Variants in PTN observed in about 807,000 individuals in gnomAD.
PTN encodes the protein heparin affin regulatory protein.
A neutral mutation model predicts 24.1 loss-of-function variants in PTN; 18 were observed. The ratio of observed to expected loss-of-function variants is 0.75; its 90% CI spans 0.52 to 1.11. The LOEUF (loss-of-function observed/expected upper bound fraction) is 1.11, where lower values mean the gene tolerates loss of function less well. Among genes scored for constraint, PTN ranks in the 50% least tolerant of loss-of-function variants. The pLI is 0.00. For missense variants in PTN, 163 were observed against 198.8 expected (o/e 0.82, Z 1.08); for synonymous variants, 78 against 68.6 (o/e 1.14, Z -0.67).
chr7:137,286,864 G>A (rs1809563719), intron 1 of PTN, among the ~76,000 whole-genome samples: 2 of 152,148 alleles, frequency 1.3e-5, no homozygotes, highest in South Asian at 2.1e-4. Context: ...GCCCCCAACT[G>A]CTATGATTCT....
intron 3 of PTN, among the ~76,000 whole-genome samples, chr7:137,252,365 C>G (rs746391641): frequency 1.3e-4 from 19 of 151,850 alleles, no homozygotes; most frequent in Non-Finnish European, 2.4e-4. Flanking sequence ...GTTTTTTCCC[C>G]ACTTTCTTAT....
intron 1 of PTN, among the ~76,000 whole-genome samples, chr7:137,272,441 C>T (rs1186170859): frequency 1.3e-5 from 2 of 152,218 alleles, no homozygotes; most frequent in South Asian, 2.1e-4. Flanking sequence ...TCAAGGCTTT[C>T]GCCCTCAACA....
intron 1 of PTN, among the ~76,000 whole-genome samples, chr7:137,308,424 T>C (rs541138218): frequency 5.4e-4 from 82 of 152,298 alleles, no homozygotes; most frequent in Middle Eastern, 3.4e-3. Context: ...TACATACATA[T>C]ATACAAACTA....
chr7:137,236,133 A>G (rs1443055322), intron 4 of PTN: 1 of 700,718 alleles, frequency 1.4e-6, no homozygotes, highest in Non-Finnish European at 2.6e-6. Context: ...TTATTTTTCA[A>G]ATCAACTCAC....
At chr7:137,251,121 C>T (rs764907604) in intron 4 of PTN, 109 bp downstream of exon 4, 2 of 1,318,232 alleles carry the variant, frequency 1.5e-6, no homozygotes, top group Non-Finnish European at 2.1e-6. Flanking sequence ...TTTTCAGTCA[C>T]TTTCTTAAGG....
intron 1 of PTN, among the ~76,000 whole-genome samples, chr7:137,262,068 C>A (rs894312952): frequency 6.6e-6 from 1 of 152,122 alleles, no homozygotes. Context: ...TATGACTATT[C>A]AGAATCTATT....
intron 1 of PTN, among the ~76,000 whole-genome samples, chr7:137,263,484 C>T (rs776486041): frequency 2.0e-5 from 3 of 151,986 alleles, no homozygotes; most frequent in Admixed American, 6.6e-5. Context: ...AGTTTCTTGC[C>T]GGGCCAGAAT....
At chr7:137,334,714 A>T (rs1232476487) in intron 1 of PTN, among the ~76,000 whole-genome samples, 1 of 149,182 alleles carries the variant, frequency 6.7e-6, no homozygotes, top group Non-Finnish European at 1.5e-5. Flanking sequence ...AAGGACTATA[A>T]ATCATGCTGC....
At chr7:137,294,842 G>C (rs1337985296) in intron 1 of PTN, among the ~76,000 whole-genome samples, 1 of 152,078 alleles carries the variant, frequency 6.6e-6, no homozygotes, top group Non-Finnish European at 1.5e-5. Flanking sequence ...ATTAGATATG[G>C]GTGTCAGATA....
At chr7:137,232,767 C>G (rs1373591396) in intron 4 of PTN, among the ~76,000 whole-genome samples, 1 of 151,930 alleles carries the variant, frequency 6.6e-6, no homozygotes, top group Non-Finnish European at 1.5e-5. Context: ...AAGGGCAGGA[C>G]CAGATGGAGG....
intron 1 of PTN, among the ~76,000 whole-genome samples, chr7:137,334,206 C>T (rs1269363242): frequency 6.7e-6 from 1 of 148,182 alleles, no homozygotes; most frequent in Non-Finnish European, 1.5e-5. Context: ...TCTAATTAAA[C>T]TAAAGAGCTT....
intron 1 of PTN, among the ~76,000 whole-genome samples, chr7:137,276,023 C>T (rs941785919): frequency 6.6e-6 from 1 of 152,130 alleles, no homozygotes; most frequent in South Asian, 2.1e-4. Context: ...AAGCAAATGG[C>T]ATCCCACATT....
chr7:137,277,958 C>T (rs890929514), intron 1 of PTN, among the ~76,000 whole-genome samples: 1 of 151,854 alleles, frequency 6.6e-6, no homozygotes, highest in Non-Finnish European at 1.5e-5. Context: ...TAGATAGATG[C>T]AACAGCATGT....
At chr7:137,267,395 G>A (rs531514111) in intron 1 of PTN, among the ~76,000 whole-genome samples, 10 of 151,924 alleles carry the variant, frequency 6.6e-5, no homozygotes, top group South Asian at 6.3e-4. Flanking sequence ...CTTAACTACT[G>A]TTGGGGGGAA....
At chr7:137,245,179 A>G (rs540867818) in intron 4 of PTN, among the ~76,000 whole-genome samples, 14 of 152,250 alleles carry the variant, frequency 9.2e-5, no homozygotes, top group Non-Finnish European at 1.5e-4. Context: ...TCTAAAATGA[A>G]AACAAGCAAA....
chr7:137,294,745 G>A (rs945860343), intron 1 of PTN, among the ~76,000 whole-genome samples: 8 of 152,112 alleles, frequency 5.3e-5, no homozygotes, highest in South Asian at 2.1e-4. Flanking sequence ...GGAGAAATAC[G>A]TGGAAGGCAA....
At chr7:137,299,305 C>A (rs1809768943) in intron 1 of PTN, among the ~76,000 whole-genome samples, 1 of 151,932 alleles carries the variant, frequency 6.6e-6, no homozygotes. Context: ...TTCCTTTGGG[C>A]TCTAGGCATA....
intron 1 of PTN, among the ~76,000 whole-genome samples, chr7:137,321,914 A>G (rs1810168957): frequency 6.6e-6 from 1 of 152,186 alleles, no homozygotes; most frequent in African/African-American, 2.4e-5. Context: ...TTTAATATTG[A>G]TATTTAATTT....
intron 2 of PTN, among the ~76,000 whole-genome samples, chr7:137,254,018 A>G (rs972014055): frequency 1.3e-5 from 2 of 152,164 alleles, no homozygotes; most frequent in African/African-American, 4.8e-5. Context: ...AACAGTTGTC[A>G]GCTGGGCAAA....
Sources: gnomAD v4.1 joint callset for allele counts (sites outside exome capture counted in the v4.1 genomes callset) on GRCh38, gnomAD v4.1.1 for gene constraint, MANE v1.5 for transcripts, NCBI Gene and HGNC (gene_info 2026-07-23, HGNC 2026-07-21) for gene names.